The following LIN9 variants were observed in gnomAD, a reference collection of about 807,000 sequenced individuals.
The protein encoded by LIN9 is protein lin-9 homolog.
In LIN9, 18 loss-of-function variants were observed where a neutral mutation model predicts 78.0. That is an observed-to-expected ratio of 0.23 (90% CI 0.16 to 0.34). LIN9 has a LOEUF of 0.34. Ranked by LOEUF, LIN9 falls within the 10% of genes least tolerant of loss-of-function variation. The pLI is 1.00. For synonymous variants in LIN9, 192 were observed against 215.2 expected (o/e 0.89, Z 0.94); for missense variants, 451 against 644.1 (o/e 0.70, Z 3.25).
At position 226,232,414 on chromosome 1, in the gene LIN9, T is replaced by C; in HGVS notation, c.*87A>G. 1 of 783,780 alleles carries C rather than the reference T, an allele frequency of 1.3e-6. No individual in the cohort carries two copies. The highest frequency in any genetic ancestry group is 2.1e-6 in the Non-Finnish European group (1 of 482,680). The allele number at this position is 783,780 out of a possible 1,614,324, so 48.6% of individuals were successfully genotyped here. On this transcript the variant is annotated 3_prime_UTR_variant, in exon 15 of 15. Coordinates refer to ENST00000681046, the MANE Select transcript of LIN9 (RefSeq NM_001366245.2). ...TAAATTTCCCTTGTTTTCCAGCAGT[T>C]AGGTTATTTGGTGTTGGAAGCCTAT...
Position 226,238,960 on chromosome 1 carries a change from A to G in LIN9, c.1245+11T>C, listed in dbSNP as rs746497880. 8 of 1,608,616 alleles carry G rather than the reference A, an allele frequency of 5.0e-6. No individual in the cohort carries two copies. Among genetic ancestry groups the G allele is most frequent in the Admixed American group, 3.4e-5 (2 of 58,682 alleles). On this transcript the variant is annotated intron_variant, in intron 12 of 14. Transcript: ENST00000681046. ...TACAAATATGGAGGGAAATCTATAC[A>G]TATCACTTACCTCATAGCAATACTG...
intron 14 of LIN9, chr1:226,232,826 AGT>A (rs1491228605): frequency 4.0e-6 from 2 of 500,442 alleles, no homozygotes; most frequent in African/African-American, 4.0e-5. Flanking sequence ...GGAGAAGATG[AGT>A]CTCTCACTGA....
At position 226,277,935 on chromosome 1, in the gene LIN9, A is replaced by G. The variant is rs765391782; in HGVS notation, c.525-3T>C. 8 of 1,602,208 alleles carry G rather than the reference A, an allele frequency of 5.0e-6. No individual in the cohort carries two copies. The South Asian group carries it at 6.7e-5, about 13-fold the overall frequency. Reference sequence around the variant, plus strand: ...CCTCAAAAAATGCAGAAGAACATCTAGAATAAATTATAAAAAACATACAAA... The same window carrying G: ...CCTCAAAAAATGCAGAAGAACATCTGGAATAAATTATAAAAAACATACAAA... On this transcript the variant is annotated splice_polypyrimidine_tract_variant and splice_region_variant and intron_variant, in intron 6 of 14. Transcript: ENST00000681046.
chr1:226,307,731 C>A (rs966625269), intron 1 of LIN9, among the ~76,000 whole-genome samples: 15 of 152,220 alleles, frequency 9.9e-5, no homozygotes, highest in Admixed American at 9.8e-4. Flanking sequence ...CTACCCAATA[C>A]AGTGACTACT....
chr1:226,265,804 G>A lies in LIN9; in HGVS notation c.937-170C>T, dbSNP rs914392048. Among the ~76,000 whole-genome samples the A allele has an allele frequency of 1.5e-4, 23 of 151,350 alleles. No homozygotes were observed. Among genetic ancestry groups the A allele is most frequent in the African/African-American group, 4.1e-4 (17 of 41,202 alleles). ...AGCGATTCTCCTGCCTCAGCCTCCC[G>A]AGCAGCTGGGATTACAGGCGCGCGC... On this transcript the variant is annotated intron_variant, in intron 9 of 14. Coordinates refer to ENST00000681046, the MANE Select transcript of LIN9 (RefSeq NM_001366245.2). The surrounding 1 kb of genome is among the most constrained non-coding windows in gnomAD (Gnocchi z 4.1).
At chr1:226,255,453 G>C (rs1046262629) in intron 10 of LIN9, among the ~76,000 whole-genome samples, 3 of 152,172 alleles carry the variant, frequency 2.0e-5, no homozygotes, top group Admixed American at 2.0e-4. Context: ...GTGCATTTGT[G>C]AAGTTCATAG....
chr1:226,289,231 T>C (rs1661571624), intron 4 of LIN9, among the ~76,000 whole-genome samples: 1 of 140,708 alleles, frequency 7.1e-6, no homozygotes, highest in African/African-American at 2.5e-5. Flanking sequence ...TGAGACTCCA[T>C]GTCAAAAAAA....
At chr1:226,293,338 A>G (rs1661912058) in intron 4 of LIN9, among the ~76,000 whole-genome samples, 1 of 152,238 alleles carries the variant, frequency 6.6e-6, no homozygotes, top group African/African-American at 2.4e-5. Flanking sequence ...TGATGTGCTC[A>G]GGAAGGAAGG....
chr1:226,286,154 T>A (rs1409418015), intron 6 of LIN9, among the ~76,000 whole-genome samples, 179 bp downstream of exon 6: 1 of 152,200 alleles, frequency 6.6e-6, no homozygotes, highest in South Asian at 2.1e-4. Flanking sequence ...GGTCTCACTG[T>A]GTTGCCCAGG....
In LIN9 at chr1:226,265,406, G is replaced by T; in HGVS notation, c.1038+127C>A. 1 of 483,112 alleles carries T rather than the reference G, an allele frequency of 2.1e-6. No homozygotes were observed. Among genetic ancestry groups the T allele is most frequent in the South Asian group, 3.7e-5 (1 of 27,346 alleles). 29.9% of individuals were successfully genotyped at this position (483,112 alleles called of 1,614,324 possible). A position where few individuals can be genotyped will look rare whatever the true frequency, so the allele number is the denominator to read the frequency against. Reference sequence around the variant, plus strand: ...TAACTTTTATTTTCAGGCTTTGTTGGAAATAGCAGCTCTTAAAACCTACAC... The same window carrying T: ...TAACTTTTATTTTCAGGCTTTGTTGTAAATAGCAGCTCTTAAAACCTACAC... On this transcript the variant is annotated intron_variant, in intron 10 of 14. Transcript: ENST00000681046. The surrounding 1 kb of genome is among the most constrained non-coding windows in gnomAD (Gnocchi z 4.1).
chr1:226,262,760 A>G (rs1373873990), intron 10 of LIN9, among the ~76,000 whole-genome samples: 1 of 152,212 alleles, frequency 6.6e-6, no homozygotes, highest in Non-Finnish European at 1.5e-5. Context: ...CTCTTACCAT[A>G]TGAACCAGCA....
chr1:226,304,544 G>GAT lies in LIN9; in HGVS notation c.32-3341_32-3340dup, dbSNP rs1662778913. Among the ~76,000 whole-genome samples the GAT allele has an allele frequency of 2.0e-5, 3 of 152,310 alleles. No individual in the cohort carries two copies. The South Asian group carries it at 6.2e-4, about 32-fold the overall frequency. ...TCATGATAAAGGAAATAAACAGGGT[G>GAT]ATATTGGTGGGGACGGGGGAATTAC... On this transcript the variant is annotated intron_variant, in intron 1 of 14. Coordinates refer to ENST00000681046, the MANE Select transcript of LIN9 (RefSeq NM_001366245.2).
At chr1:226,295,563 A>G (rs576540336) in intron 4 of LIN9, among the ~76,000 whole-genome samples, 2 of 151,988 alleles carry the variant, frequency 1.3e-5, no homozygotes, top group African/African-American at 2.4e-5. Context: ...TCCCTCTTAT[A>G]TCTGTGCAAA....
chr1:226,289,349 T>G (rs1196101205), intron 4 of LIN9, among the ~76,000 whole-genome samples: 1 of 152,096 alleles, frequency 6.6e-6, no homozygotes, highest in Non-Finnish European at 1.5e-5. Context: ...TGTGTGTGTG[T>G]GTGTGTGTTT....
At chr1:226,283,401 C>T (rs1661195018) in intron 6 of LIN9, among the ~76,000 whole-genome samples, 1 of 140,930 alleles carries the variant, frequency 7.1e-6, no homozygotes, top group East Asian at 2.3e-4. Context: ...GCTGGGATTA[C>T]AGGTGTGAGC....
intron 12 of LIN9, among the ~76,000 whole-genome samples, chr1:226,237,772 G>A (rs1362254730): frequency 6.6e-6 from 1 of 151,514 alleles, no homozygotes; most frequent in East Asian, 1.9e-4. Flanking sequence ...ATAATATGGT[G>A]AAACCCCATC....
intron 1 of LIN9, among the ~76,000 whole-genome samples, chr1:226,303,610 CTTT>C (rs1453163615): frequency 6.6e-6 from 1 of 151,066 alleles, no homozygotes; most frequent in African/African-American, 2.4e-5. Flanking sequence ...TTTCTTTTTT[CTTT>C]TTCTTTTTTT....
rs558671009 is a variant in LIN9, at chr1:226,246,387, A to C, written c.1119+4452T>G. 2.6e-5 allele frequency among the ~76,000 whole-genome samples: 4 copies of C among 152,256 alleles called. No homozygotes were observed. The East Asian group carries it at 7.7e-4, about 29-fold the overall frequency. The stretch of plus-strand genomic sequence containing the variant: ...TGTTTCTGTGGAGATGGTAGCTCTC[A>C]GACAAATTGTTGGTTGCTCGTTTGT... On this transcript the variant is annotated intron_variant, in intron 11 of 14. Transcript: ENST00000681046.
At chr1:226,293,824 G>C (rs1199368458) in intron 4 of LIN9, among the ~76,000 whole-genome samples, 2 of 152,008 alleles carry the variant, frequency 1.3e-5, no homozygotes, top group Non-Finnish European at 2.9e-5. Flanking sequence ...CAAAGTGCTG[G>C]GATTACAAAA....
Sources: gnomAD v4.1 joint callset for allele counts (sites outside exome capture counted in the v4.1 genomes callset) on GRCh38, gnomAD v4.1.1 for gene constraint, Gnocchi (gnomAD v3.1) non-coding constraint, MANE v1.5 for transcripts, NCBI Gene and HGNC (gene_info 2026-07-23, HGNC 2026-07-21) for gene names.